The following FARS2 variants were observed in gnomAD, a reference collection of about 807,000 sequenced individuals.
FARS2 encodes phenylalanyl-tRNA synthetase 2, mitochondrial.
FARS2 carries 40 observed loss-of-function variants against 46.4 expected under a neutral mutation model. That is an observed-to-expected ratio of 0.86 (90% CI 0.67 to 1.12). FARS2 has a LOEUF of 1.12. Ranked by LOEUF, FARS2 falls within the 50% of genes most tolerant of loss-of-function variation. The probability of loss-of-function intolerance (pLI) is 0.00; values close to 1 mark genes in which losing one functional copy is unlikely to be tolerated. For missense variants in FARS2, 513 were observed against 567.9 expected, an observed-to-expected ratio of 0.90 and a Z score of 0.98; for synonymous variants, 234 against 214.9, an observed-to-expected ratio of 1.09 and a Z score of -0.78.
rs552380060 is a variant in FARS2, at chr6:5,727,439, G to C, written c.1218-43852G>C. On this transcript the variant is annotated intron_variant, in intron 6 of 6. Transcript: ENST00000274680. This position sits in a 1 kb window ranked among gnomAD's most constrained non-coding sequence, Gnocchi z 4.1. ...AGGGTGCTGACTGGCCAGAACGTAG[G>C]AAAGGCCAGGTCAGAGACTTTCTGT... 6.6e-6 allele frequency among the ~76,000 whole-genome samples: 1 copy of C among 152,324 alleles called. No homozygotes were observed. Among genetic ancestry groups the C allele is most frequent in the East Asian group, 1.9e-4 (1 of 5,182 alleles).
chr6:5,438,078 T>C (rs1763627427), intron 4 of FARS2, among the ~76,000 whole-genome samples: 1 of 152,120 alleles, frequency 6.6e-6, no homozygotes, highest in Non-Finnish European at 1.5e-5. Context: ...CTTAAAGATG[T>C]TGATCCATTG....
chr6:5,435,523 A>C (rs2432762), intron 4 of FARS2, among the ~76,000 whole-genome samples: 72,237 of 152,040 alleles, frequency 0.48, 18,069 homozygotes, highest in African/African-American at 0.64. Context: ...TTCACCGTTG[A>C]TTTCTGGATC....
chr6:5,736,343 C>T (rs1019836063), intron 6 of FARS2, among the ~76,000 whole-genome samples: 1 of 152,204 alleles, frequency 6.6e-6, no homozygotes, highest in Admixed American at 6.5e-5. Flanking sequence ...CACAGACTGA[C>T]CCTGGTCCAT....
At chr6:5,721,414 A>C (rs4960130) in intron 6 of FARS2, among the ~76,000 whole-genome samples, 1 of 152,218 alleles carries the variant, frequency 6.6e-6, no homozygotes, top group Admixed American at 6.5e-5. Context: ...GTAGTTTTTT[A>C]AAAGTTAGTT....
intron 5 of FARS2, chr6:5,610,306 C>A (rs1403797156): frequency 1.6e-4 from 46 of 290,540 alleles, no homozygotes; most frequent in Admixed American, 2.9e-4. Context: ...CTTTTCAATT[C>A]TTTTTAAAAA....
intron 5 of FARS2, among the ~76,000 whole-genome samples, chr6:5,559,593 A>G (rs1156648766): frequency 2.6e-5 from 4 of 152,154 alleles, no homozygotes; most frequent in Non-Finnish European, 5.9e-5. Context: ...TTCAAAATTT[A>G]TGTTATATGG....
At chr6:5,730,299 A>G (rs1028862760) in intron 6 of FARS2, among the ~76,000 whole-genome samples, 3 of 152,220 alleles carry the variant, frequency 2.0e-5, no homozygotes, top group Admixed American at 2.0e-4. Context: ...CAATTGATTG[A>G]TTGAGGATAG....
chr6:5,649,255 A>T (rs74294902), intron 6 of FARS2, among the ~76,000 whole-genome samples: 48,365 of 152,080 alleles, frequency 0.32, 9,366 homozygotes, highest in Non-Finnish European at 0.42. Flanking sequence ...TTTAAGGAAC[A>T]TTTCTTTGGG....
intron 2 of FARS2, 131 bp downstream of exon 2, chr6:5,369,313 T>A: frequency 1.2e-6 from 1 of 869,476 alleles, no homozygotes; most frequent in Non-Finnish European, 1.7e-6. Context: ...GAATCATCCA[T>A]ACTTAATGAC....
chr6:5,699,334 A>G (rs1481747306), intron 6 of FARS2, among the ~76,000 whole-genome samples: 2 of 152,108 alleles, frequency 1.3e-5, no homozygotes, highest in South Asian at 4.1e-4. Flanking sequence ...CTTTGGTTAC[A>G]TCATTTCCTC....
chr6:5,633,656 A>C (rs1776407679), intron 6 of FARS2, among the ~76,000 whole-genome samples: 1 of 152,156 alleles, frequency 6.6e-6, no homozygotes, highest in African/African-American at 2.4e-5. Flanking sequence ...ATACTAAGAA[A>C]ATTCTGCCAT....
At chr6:5,498,557 G>A (rs540297420) in intron 4 of FARS2, among the ~76,000 whole-genome samples, 1 of 152,286 alleles carries the variant, frequency 6.6e-6, no homozygotes, top group South Asian at 2.1e-4. Flanking sequence ...CACGCACCAG[G>A]TACTCAGTAG....
intron 4 of FARS2, among the ~76,000 whole-genome samples, chr6:5,495,188 C>T (rs1001693198): frequency 2.0e-5 from 3 of 152,190 alleles, no homozygotes; most frequent in Non-Finnish European, 2.9e-5. Context: ...AGGTTAAACC[C>T]TGTGAAAACT....
At chr6:5,384,664 G>T (rs1319503826) in intron 2 of FARS2, among the ~76,000 whole-genome samples, 1 of 152,124 alleles carries the variant, frequency 6.6e-6, no homozygotes, top group Non-Finnish European at 1.5e-5. Context: ...GTTTGAGTTG[G>T]AAAATAAAGG....
At chr6:5,753,182 C>T (rs1762041856) in intron 6 of FARS2, among the ~76,000 whole-genome samples, 1 of 152,120 alleles carries the variant, frequency 6.6e-6, no homozygotes, top group South Asian at 2.1e-4. Flanking sequence ...AGAGCAAGAA[C>T]ATGTGTTGTG....
In FARS2 at chr6:5,352,658, A is replaced by G. The variant is rs575300669; in HGVS notation, c.-21-15892A>G. 2.0e-5 allele frequency among the ~76,000 whole-genome samples: 3 copies of G among 151,972 alleles called. No homozygotes were observed. In the South Asian group the frequency reaches 6.2e-4, roughly 32 times the overall value. ...TCTAACTCATCTCTCAGTTTCCGCT[A>G]ACTATAAATTTTACATTTCTTTTGA... is the stretch of plus-strand genomic sequence containing the variant. On this transcript the variant is annotated intron_variant, in intron 1 of 6. Coordinates refer to ENST00000274680, the MANE Select transcript of FARS2 (RefSeq NM_006567.5).
chr6:5,542,838 CAT>C (rs547341085), intron 4 of FARS2, among the ~76,000 whole-genome samples: 81 of 152,248 alleles, frequency 5.3e-4, no homozygotes, highest in African/African-American at 1.8e-3. Context: ...TTCTTTGGCT[CAT>C]GTGTTACTTA....
intron 1 of FARS2, among the ~76,000 whole-genome samples, chr6:5,335,688 A>G (rs1475823157): frequency 6.6e-6 from 1 of 152,172 alleles, no homozygotes; most frequent in African/African-American, 2.4e-5. Context: ...TCAGTGTGTA[A>G]GAGTGTCATA....
At chr6:5,320,448 C>G (rs1351457351) in intron 1 of FARS2, among the ~76,000 whole-genome samples, 1 of 152,248 alleles carries the variant, frequency 6.6e-6, no homozygotes, top group Non-Finnish European at 1.5e-5. Context: ...CCCTTCAGCT[C>G]TCCAAGTGCC....
Sources: allele counts gnomAD v4.1 joint callset (sites outside exome capture counted in the v4.1 genomes callset), GRCh38; gene constraint gnomAD v4.1.1; non-coding constraint Gnocchi (gnomAD v3.1); transcripts MANE v1.5; gene names NCBI Gene and HGNC (gene_info 2026-07-23, HGNC 2026-07-21).